Variants in INPP5B observed in about 807,000 individuals in gnomAD.
INPP5B encodes inositol polyphosphate-5-phosphatase B.
INPP5B carries 90 observed loss-of-function variants against 118.5 expected under a neutral mutation model. The ratio of observed to expected loss-of-function variants is 0.76; its 90% CI spans 0.64 to 0.90. INPP5B has a LOEUF of 0.90. INPP5B is among the 40% of genes least tolerant of loss of function. INPP5B has a pLI of 0.00. For synonymous variants in INPP5B, 385 were observed against 418.9 expected, an observed-to-expected ratio of 0.92 and a Z score of 0.99; for missense variants, 984 against 1,125.6, an observed-to-expected ratio of 0.87 and a Z score of 1.80.
chr1:37,946,416 C>A, intron 1 of INPP5B, 82 bp from the exon 2 acceptor site: 1 of 972,338 alleles, frequency 1.0e-6, no homozygotes, highest in Non-Finnish European at 1.6e-6. Flanking sequence ...GGGTTGGGGG[C>A]AGGAGGGAGG....
intron 9 of INPP5B, 126 bp downstream of exon 9, chr1:37,889,431 G>C (rs2291161): frequency 1.4e-6 from 1 of 720,768 alleles, no homozygotes; most frequent in Non-Finnish European, 2.2e-6. Context: ...CACTCATTTT[G>C]AAAATGAGGG....
At chr1:37,896,490 C>G (rs1319190418) in intron 7 of INPP5B, among the ~76,000 whole-genome samples, 1 of 149,588 alleles carries the variant, frequency 6.7e-6, no homozygotes, top group African/African-American at 2.5e-5. Flanking sequence ...AGCCCCCCGC[C>G]CGGCCAGCCG....
At position 37,936,482 on chromosome 1, in the gene INPP5B, A is replaced by T. The variant is rs1645696205; in HGVS notation, c.391+4206T>A. Among the ~76,000 whole-genome samples the T allele has an allele frequency of 2.0e-5, 3 of 151,594 alleles. 1 individual carries two copies. In the South Asian group the frequency reaches 6.2e-4, roughly 32 times the overall value. The stretch of plus-strand genomic sequence containing the variant: ...CTATAAACACAAAAATTAGCCAGGC[A>T]TGTTGGCAGGCACCTGTAGTCCCAG... On this transcript the variant is annotated intron_variant, in intron 6 of 23. Coordinates refer to ENST00000373024, the MANE Select transcript of INPP5B (RefSeq NM_005540.3).
intron 7 of INPP5B, among the ~76,000 whole-genome samples, chr1:37,918,648 T>C (rs1644953003): frequency 1.3e-5 from 2 of 152,248 alleles, no homozygotes; most frequent in East Asian, 1.9e-4. Context: ...GAGCTGGTGA[T>C]GTTACTGACT....
chr1:37,880,561 C>A (rs1316035882), intron 14 of INPP5B, among the ~76,000 whole-genome samples: 1 of 152,184 alleles, frequency 6.6e-6, no homozygotes, highest in East Asian at 1.9e-4. Flanking sequence ...CCTCAGTCTC[C>A]TGAGTAGCTG....
Position 37,866,385 on chromosome 1 carries a change from T to TTC in INPP5B, c.2386+72_2386+73dup, listed in dbSNP as rs57019964. 85,437 of 589,334 alleles carry TTC rather than the reference T, an allele frequency of 0.14. 2,118 individuals carry two copies. Among genetic ancestry groups the TTC allele is most frequent in the East Asian group, 0.24 (7,668 of 32,366 alleles). 36.5% of individuals were successfully genotyped at this position (589,334 alleles called of 1,614,324 possible). ...CTTTTTCTCACCCCTCTCACTCATA[T>TTC]TCTCTCTCTCTCTCTCTCTCTCACA... On this transcript the variant is annotated intron_variant, in intron 21 of 23. Coordinates refer to ENST00000373024, the MANE Select transcript of INPP5B (RefSeq NM_005540.3).
chr1:37,945,305 C>T (rs1646075342), intron 3 of INPP5B, among the ~76,000 whole-genome samples: 1 of 152,070 alleles, frequency 6.6e-6, no homozygotes, highest in African/African-American at 2.4e-5. Flanking sequence ...GTGGCGGGCA[C>T]CTCTGTAATA....
Position 37,940,119 on chromosome 1 carries a change from C to A in INPP5B, c.391+569G>T, listed in dbSNP as rs559678806. 3.3e-5 allele frequency among the ~76,000 whole-genome samples: 5 copies of A among 152,276 alleles called. No homozygotes were observed. The East Asian group carries it at 9.7e-4, about 29-fold the overall frequency. ...TGGGTAAACATTTAAGCCCCAGCACCTGTTGGCTTGAATTTGCATGTTCTA... is the reference window on the plus strand; with the variant it reads ...TGGGTAAACATTTAAGCCCCAGCACATGTTGGCTTGAATTTGCATGTTCTA... On this transcript the variant is annotated intron_variant, in intron 6 of 23. Coordinates refer to ENST00000373024, the MANE Select transcript of INPP5B (RefSeq NM_005540.3).
rs973643685 is a variant in INPP5B, at chr1:37,887,366, A to G, written c.999T>C (p.Asp333=). The G allele has an allele frequency of 6.2e-7, 1 of 1,604,814 alleles. No homozygotes were observed. The stretch of plus-strand genomic sequence containing the variant: ...CCTCTCTTACCTTTGCATATTTGGC[A>G]TCTGGATGAAGACCCTCTGACACAG... ...FKAVSEGLHP[D]AKYAKVKLIR... is the part of the protein sequence containing the mutation. The change falls in exon 11 of 24, where the codon GAT becomes GAC. Residue 333 remains aspartate, a synonymous_variant. Transcript: ENST00000373024.
chr1:37,944,169 C>A (rs1646035743), intron 3 of INPP5B, among the ~76,000 whole-genome samples: 1 of 152,166 alleles, frequency 6.6e-6, no homozygotes, highest in Non-Finnish European at 1.5e-5. Context: ...ATGGTGCATT[C>A]TAGCACTGTG....
At chr1:37,878,367 GTGCCCGC>G (rs1557635538) in intron 15 of INPP5B, 44 bp from the exon 16 acceptor site, 1 of 1,608,590 alleles carries the variant, frequency 6.2e-7, no homozygotes, top group Admixed American at 1.7e-5. Context: ...AGAAACAGCA[GTGCCCGC>G]TGCCTGGCGA....
At chr1:37,901,291 A>T (rs576616026) in intron 7 of INPP5B, among the ~76,000 whole-genome samples, 2 of 151,936 alleles carry the variant, frequency 1.3e-5, no homozygotes, top group African/African-American at 4.8e-5. Context: ...CTCTACTACT[A>T]TCTTCCTGTG....
intron 7 of INPP5B, among the ~76,000 whole-genome samples, chr1:37,917,437 C>T (rs181417726): frequency 6.7e-5 from 10 of 149,808 alleles, no homozygotes; most frequent in Admixed American, 2.7e-4. Context: ...AATTCTCCTG[C>T]CTCAGCCTCC....
intron 6 of INPP5B, among the ~76,000 whole-genome samples, chr1:37,934,594 G>C (rs1645613839): frequency 6.6e-6 from 1 of 152,170 alleles, no homozygotes; most frequent in Non-Finnish European, 1.5e-5. Context: ...AGTTGGGCTG[G>C]TGGATATCTA....
chr1:37,885,937 T>G, intron 12 of INPP5B, 112 bp from the exon 13 acceptor site: 1 of 920,944 alleles, frequency 1.1e-6, no homozygotes, highest in Non-Finnish European at 1.7e-6. Flanking sequence ...CCCAGCACTT[T>G]GGGAGTCCGA....
chr1:37,941,831 G>C (rs1257095250), intron 5 of INPP5B, among the ~76,000 whole-genome samples: 2 of 134,982 alleles, frequency 1.5e-5, no homozygotes, highest in South Asian at 2.5e-4. Context: ...CCAGCTACTC[G>C]GGAGGCTGAG....
intron 21 of INPP5B, 53 bp downstream of exon 21, chr1:37,866,406 T>TCTCTCACACACACACACACACA (rs748938943): frequency 3.0e-5 from 12 of 404,402 alleles, no homozygotes; most frequent in Admixed American, 4.4e-5. Flanking sequence ...TCTCTCTCTC[T>TCTCTCACACACACACACACACA]CACACACACA....
In INPP5B at chr1:37,945,770, G is replaced by A. The variant is rs369970202; in HGVS notation, c.138C>T (p.Gly46=). The A allele has an allele frequency of 3.1e-6, 5 of 1,613,686 alleles. No homozygotes were observed. The highest frequency in any genetic ancestry group is 3.3e-4 in the Middle Eastern group (2 of 6,062). The change falls in exon 3 of 24, where the codon GGC becomes GGT. Residue 46 remains glycine (G), a synonymous_variant. Transcript: ENST00000373024. ...LGLVRYRLEH[G]GQEHALFLYT... is the part of the protein sequence containing the mutation. ...CCCTCACTCACGCGTGTTCCTGGCC[G>A]CCGTGCTCCAGGCGGTAGCGCACGA...
At chr1:37,876,552 TAAAAAAAAAAAAAA>T (rs34854182) in intron 16 of INPP5B, among the ~76,000 whole-genome samples, 115 of 54,614 alleles carry the variant, frequency 2.1e-3, no homozygotes, top group Admixed American at 3.4e-3. Flanking sequence ...GCTGTCTCTT[TAAAAAAAAAAAAAA>T]AAAAAAAAAA....
Sources: allele counts gnomAD v4.1 joint callset (sites outside exome capture counted in the v4.1 genomes callset), GRCh38; gene constraint gnomAD v4.1.1; transcripts MANE v1.5; gene names NCBI Gene and HGNC (gene_info 2026-07-23, HGNC 2026-07-21).